The following POM121 variants were observed in gnomAD, a reference collection of about 807,000 sequenced individuals.
POM121 encodes the protein nuclear envelope pore membrane protein POM 121.
A neutral mutation model predicts 81.3 loss-of-function variants in POM121; 32 were observed. The observed-to-expected ratio is 0.39, with a 90% CI of 0.30 to 0.53. The LOEUF is 0.53. Ranked by LOEUF, POM121 falls within the 20% of genes least tolerant of loss-of-function variation. The pLI is 0.66. For synonymous variants in POM121, 514 were observed against 694.2 expected (o/e 0.74, Z 4.08); for missense variants, 1,138 against 1,614.6 (o/e 0.70, Z 5.06).
intron 3 of POM121, among the ~76,000 whole-genome samples, chr7:72,902,102 A>G (rs1792711274): frequency 6.6e-6 from 1 of 151,726 alleles, no homozygotes; most frequent in African/African-American, 2.4e-5. Context: ...ACAAGAGTGA[A>G]ACTCATGAAA....
chr7:72,890,933 C>T, exon 3 of POM121: 2 of 1,198,864 alleles, frequency 1.7e-6, no homozygotes, highest in East Asian at 2.4e-5. Context: ...TGTTATGCAG[C>T]TTATGAGGTG....
intron 7 of POM121, 147 bp downstream of exon 7, chr7:72,939,556 C>T: frequency 6.5e-6 from 9 of 1,374,670 alleles, no homozygotes; most frequent in Non-Finnish European, 8.8e-6. Flanking sequence ...TCCTCTCCTT[C>T]AGAAGTTTAT....
At chr7:72,907,497 T>C (rs1209044363) in intron 3 of POM121, among the ~76,000 whole-genome samples, 1 of 152,142 alleles carries the variant, frequency 6.6e-6, no homozygotes, top group Non-Finnish European at 1.5e-5. Context: ...AAAAAAATCT[T>C]TCTGGATTTT....
In POM121 at chr7:72,915,046, C is replaced by G. The variant is rs558816774; in HGVS notation, c.-152+1218C>G. On this transcript the variant is annotated intron_variant, in intron 4 of 15. Coordinates refer to the POM121 transcript ENST00000395270. ...TGAAGAAATGAGAGGCTTAGGGGCT[C>G]CAAACACAAACTTGACCAGTTTTAC... 1.6e-4 allele frequency among the ~76,000 whole-genome samples: 25 copies of G among 152,260 alleles called. No homozygotes were observed. In the South Asian group the frequency reaches 5.0e-3, roughly 30 times the overall value.
At chr7:72,925,003 T>G, upstream of POM121, 1 of 1,327,334 alleles carries the variant, frequency 7.5e-7, no homozygotes, top group African/African-American at 1.5e-5. Context: ...TCTCGGGCGC[T>G]GCCGGGCGGT....
chr7:72,926,723 AT>A (rs1456823027), intron 2 of POM121, 78 bp from the exon 3 acceptor site: 1 of 1,552,974 alleles, frequency 6.4e-7, no homozygotes. Context: ...TTAGCTTCTG[AT>A]TTCTTGTTTC....
At chr7:72,912,826 G>C (rs1266536683) in intron 3 of POM121, among the ~76,000 whole-genome samples, 1 of 152,100 alleles carries the variant, frequency 6.6e-6, no homozygotes. Context: ...GGCATTTCCC[G>C]CAGAAGCAGA....
chr7:72,946,517 G>T lies in POM121; in HGVS notation c.*283G>T. On this transcript the variant is annotated 3_prime_UTR_variant, in exon 13 of 13. Coordinates refer to ENST00000434423, the MANE Select transcript of POM121 (RefSeq NM_001387691.1). ...AACTAAGGAAACACCTGTACATAGT[G>T]TCCGCTGCCCTGACTCCCGCTTAGC... 1 of 1,218,634 alleles carries T rather than the reference G, an allele frequency of 8.2e-7. No individual in the cohort carries two copies. Among genetic ancestry groups the T allele is most frequent in the Non-Finnish European group, 1.0e-6 (1 of 974,018 alleles). 75.5% of individuals were successfully genotyped at this position (1,218,634 alleles called of 1,614,324 possible).
At chr7:72,939,514 T>C (rs1425587764) in intron 7 of POM121, 105 bp downstream of exon 7, 1 of 1,472,140 alleles carries the variant, frequency 6.8e-7, no homozygotes, top group Non-Finnish European at 9.1e-7. Flanking sequence ...CATTGCTATG[T>C]CTAAGGCATG....
intron 3 of POM121, among the ~76,000 whole-genome samples, chr7:72,896,251 A>G (rs3960649): frequency 3.2e-4 from 48 of 152,138 alleles, no homozygotes; most frequent in Admixed American, 1.7e-3. Context: ...TTCGGTGGTC[A>G]AGGTGGGCAG....
chr7:72,938,498 G>GT (rs1179533469), intron 5 of POM121, 92 bp from the exon 6 acceptor site: 2 of 1,395,546 alleles, frequency 1.4e-6, no homozygotes, highest in Non-Finnish European at 2.0e-6. Context: ...CATAAAGAAT[G>GT]TTTTTTTAGT....
Position 72,925,182 on chromosome 7 carries a change from A to AGGGACGGCCGGGGCCGGGGCTGCGGC in POM121, c.65_90dup (p.Pro31ThrfsTer37), listed in dbSNP as rs1795257212. 2 of 1,515,414 alleles carry AGGGACGGCCGGGGCCGGGGCTGCGGC rather than the reference A, an allele frequency of 1.3e-6. No individual in the cohort carries two copies. Among genetic ancestry groups the AGGGACGGCCGGGGCCGGGGCTGCGGC allele is most frequent in the Non-Finnish European group, 1.8e-6 (2 of 1,138,994 alleles). 93.9% of individuals were successfully genotyped at this position (1,515,414 alleles called of 1,614,324 possible). On this transcript the variant is annotated frameshift_variant, in exon 1 of 13. Coordinates refer to ENST00000434423, the MANE Select transcript of POM121 (RefSeq NM_001387691.1). LOFTEE classifies it high-confidence loss of function. ...GCGGCGGCGGCCCATAGCGAGTGTC[A>AGGGACGGCCGGGGCCGGGGCTGCGGC]GGGACGGCCGGGGCCGGGGCTGCGG...
intron 3 of POM121, among the ~76,000 whole-genome samples, chr7:72,894,723 A>G (rs1401487462): frequency 2.0e-5 from 3 of 148,764 alleles, no homozygotes; most frequent in South Asian, 2.1e-4. Context: ...CGGAGGTGCT[A>G]TCATGGCTTA....
rs140040436 is a variant in POM121, at chr7:72,916,243, C to T, written c.-152+2415C>T. On this transcript the variant is annotated intron_variant, in intron 4 of 15. Transcript: ENST00000395270. ...TGGTGTTTTAGTCATGAAGTCTTTG[C>T]CCATGCCTATGTCCTGAATGGTATT... 7.9e-4 allele frequency among the ~76,000 whole-genome samples: 121 copies of T among 152,308 alleles called. 1 individual carries two copies. The East Asian group carries it at 0.021, about 26-fold the overall frequency.
chr7:72,925,792 A>G, intron 1 of POM121, 27 bp downstream of exon 1: 3 of 1,315,358 alleles, frequency 2.3e-6, no homozygotes, highest in East Asian at 3.2e-5. Flanking sequence ...TTGTCAGATC[A>G]TCCTCTGGCT....
chr7:72,938,606 G>A lies in POM121; in HGVS notation c.1292G>A (p.Gly431Asp). 2 of 1,613,832 alleles carry A rather than the reference G, an allele frequency of 1.2e-6. No individual in the cohort carries two copies. Among genetic ancestry groups the A allele is most frequent in the Non-Finnish European group, 1.7e-6 (2 of 1,179,804 alleles). ...RGISQLWKRN[G>D]PSSSPFSSPA... ...GATTTTTAGCTCTGGAAGAGAAATG[G>A]CCCCAGTTCATCACCCTTCTCTAGC... Residue 431 changes from glycine (G) to aspartate (D), a missense_variant, in exon 6 of 13, where the codon GGC (glycine) becomes GAC (aspartate). By Grantham distance (94) the Gly-to-Asp change is moderately conservative. Coordinates refer to ENST00000434423, the MANE Select transcript of POM121 (RefSeq NM_001387691.1).
intron 4 of POM121, among the ~76,000 whole-genome samples, chr7:72,918,865 T>C (rs1794534968): frequency 6.6e-6 from 1 of 151,994 alleles, no homozygotes; most frequent in South Asian, 2.1e-4. Context: ...TGGCGCGATC[T>C]CGGCTCACTG....
intron 1 of POM121, among the ~76,000 whole-genome samples, chr7:72,887,792 A>G (rs558098964): frequency 1.3e-5 from 2 of 152,308 alleles, no homozygotes; most frequent in African/African-American, 4.8e-5. Flanking sequence ...GTGCCATTGC[A>G]CTCCAGCCTG....
chr7:72,926,201 G>T, intron 1 of POM121, 61 bp from the exon 2 acceptor site: 1 of 1,486,506 alleles, frequency 6.7e-7, no homozygotes, highest in Non-Finnish European at 9.1e-7. Flanking sequence ...GTTTTTAACC[G>T]TTTAAAAATT....
Sources: gnomAD v4.1 joint callset for allele counts (sites outside exome capture counted in the v4.1 genomes callset) on GRCh38, gnomAD v4.1.1 for gene constraint, MANE v1.5 for transcripts, NCBI Gene and HGNC (gene_info 2026-07-23, HGNC 2026-07-21) for gene names.